Variants in ROBO2 observed in about 807,000 individuals in gnomAD.
The protein encoded by ROBO2 is roundabout guidance receptor 2, also known as roundabout homolog 2.
Under a neutral mutation model 160.8 loss-of-function variants are expected in ROBO2, and 53 were observed. That is an observed-to-expected ratio of 0.33 (90% CI 0.26 to 0.41). The LOEUF (loss-of-function observed/expected upper bound fraction) is 0.41, where lower values mean the gene tolerates loss of function less well. Among genes scored for constraint, ROBO2 ranks in the 10% least tolerant of loss-of-function variants. The pLI, the probability that ROBO2 is intolerant of heterozygous loss-of-function variation, is 1.00. For missense variants in ROBO2, 1,577 were observed against 1,722.4 expected, an observed-to-expected ratio of 0.92 and a Z score of 1.49; for synonymous variants, 664 against 611.7, an observed-to-expected ratio of 1.09 and a Z score of -1.26.
At chr3:77,443,815 C>G (rs1330101732) in intron 2 of ROBO2, among the ~76,000 whole-genome samples, 1 of 152,140 alleles carries the variant, frequency 6.6e-6, no homozygotes, top group East Asian at 1.9e-4. Flanking sequence ...AGCATTAAGA[C>G]AGCCAACTTG....
intron 2 of ROBO2, among the ~76,000 whole-genome samples, chr3:77,249,204 A>C (rs945127417): frequency 6.6e-6 from 1 of 152,228 alleles, no homozygotes; most frequent in Non-Finnish European, 1.5e-5. Context: ...AAAAAAACAA[A>C]AACAACAAAA....
intron 20 of ROBO2, among the ~76,000 whole-genome samples, chr3:77,605,179 G>T (rs1176316278): frequency 2.1e-5 from 3 of 145,124 alleles, no homozygotes; most frequent in African/African-American, 7.7e-5. Flanking sequence ...AAAAAAAAAA[G>T]TATATATATA....
At chr3:76,841,652 AAC>A (rs1432958580) in intron 2 of ROBO2, among the ~76,000 whole-genome samples, 1 of 152,230 alleles carries the variant, frequency 6.6e-6, no homozygotes. Flanking sequence ...CACTATTAGT[AAC>A]ACAGAACAGA....
At chr3:76,482,540 C>T (rs1001722814) in intron 2 of ROBO2, among the ~76,000 whole-genome samples, 1 of 152,106 alleles carries the variant, frequency 6.6e-6, no homozygotes, top group Non-Finnish European at 1.5e-5. Flanking sequence ...TGATCACAGT[C>T]GTAGATTTTC....
intron 2 of ROBO2, among the ~76,000 whole-genome samples, chr3:77,140,830 T>C (rs542768804): frequency 1.6e-4 from 24 of 152,344 alleles, no homozygotes; most frequent in Non-Finnish European, 2.6e-4. Flanking sequence ...TTTAGGGGCT[T>C]TCTGTTTCAA....
intron 2 of ROBO2, among the ~76,000 whole-genome samples, chr3:76,639,744 A>G (rs2090550306): frequency 6.6e-6 from 1 of 152,168 alleles, no homozygotes; most frequent in African/African-American, 2.4e-5. Flanking sequence ...TGACACTCCA[A>G]CAGAAACCAT....
intron 2 of ROBO2, among the ~76,000 whole-genome samples, chr3:76,142,956 A>T (rs1275352035): frequency 6.6e-6 from 1 of 151,938 alleles, no homozygotes; most frequent in African/African-American, 2.4e-5. Flanking sequence ...AAATAAAAAT[A>T]AAAATAAATA....
intron 2 of ROBO2, among the ~76,000 whole-genome samples, chr3:76,640,641 T>A (rs1391815501): frequency 6.6e-6 from 1 of 151,664 alleles, no homozygotes; most frequent in Non-Finnish European, 1.5e-5. Context: ...CCGGGGGATG[T>A]GTTGGCTGAG....
intron 2 of ROBO2, among the ~76,000 whole-genome samples, chr3:76,049,338 G>A (rs1210109590): frequency 6.9e-6 from 1 of 145,140 alleles, no homozygotes; most frequent in African/African-American, 2.6e-5. Flanking sequence ...AGCCTCTGGA[G>A]TAGCTGAGAC....
chr3:76,283,151 T>TATATATATATATATATATATATAA (rs1219870606), intron 2 of ROBO2, among the ~76,000 whole-genome samples: 12 of 137,540 alleles, frequency 8.7e-5, no homozygotes, highest in African/African-American at 1.3e-4. Context: ...TATATATATA[T>TATATATATATATATATATATATAA]AAAACTACAT....
At chr3:77,326,652 G>A (rs1271083916) in intron 2 of ROBO2, among the ~76,000 whole-genome samples, 1 of 152,048 alleles carries the variant, frequency 6.6e-6, no homozygotes, top group Non-Finnish European at 1.5e-5. Flanking sequence ...AAATCACAAA[G>A]GTCTGGGGGA....
intron 2 of ROBO2, among the ~76,000 whole-genome samples, chr3:76,178,182 A>G (rs1559616177): frequency 6.6e-6 from 1 of 152,136 alleles, no homozygotes; most frequent in Admixed American, 6.6e-5. Context: ...TTAAAAACTT[A>G]CCATCCACAA....
At chr3:76,632,367 G>A (rs1421062603) in intron 2 of ROBO2, among the ~76,000 whole-genome samples, 1 of 152,120 alleles carries the variant, frequency 6.6e-6, no homozygotes, top group Non-Finnish European at 1.5e-5. Flanking sequence ...CTGTGCATTA[G>A]CCTGTTTAAG....
At chr3:77,025,190 T>C (rs988525080) in intron 2 of ROBO2, among the ~76,000 whole-genome samples, 1 of 152,204 alleles carries the variant, frequency 6.6e-6, no homozygotes, top group African/African-American at 2.4e-5. Flanking sequence ...TTTTTATTAT[T>C]AGGCATTTAA....
At chr3:77,246,549 G>C (rs545534107) in intron 2 of ROBO2, among the ~76,000 whole-genome samples, 2 of 152,260 alleles carry the variant, frequency 1.3e-5, no homozygotes, top group African/African-American at 4.8e-5. Context: ...AGCAAACAAA[G>C]AGAAACATGA....
At chr3:77,141,004 A>C (rs2076658047) in intron 2 of ROBO2, among the ~76,000 whole-genome samples, 1 of 152,180 alleles carries the variant, frequency 6.6e-6, no homozygotes, top group Admixed American at 6.5e-5. Flanking sequence ...ATGCTGTGAT[A>C]AATTGGTAAT....
intron 2 of ROBO2, among the ~76,000 whole-genome samples, chr3:76,664,905 G>C (rs1358383111): frequency 6.6e-6 from 1 of 152,210 alleles, no homozygotes; most frequent in Non-Finnish European, 1.5e-5. Context: ...GATGGAGTCA[G>C]TCAAGGAGAA....
At chr3:76,809,936 T>A (rs904157346) in intron 2 of ROBO2, among the ~76,000 whole-genome samples, 6 of 151,872 alleles carry the variant, frequency 4.0e-5, no homozygotes, top group African/African-American at 1.5e-4. Flanking sequence ...AAAACTAGAA[T>A]ATGGAAAATA....
chr3:76,379,347 T>C (rs576895427), intron 2 of ROBO2, among the ~76,000 whole-genome samples: 1 of 152,242 alleles, frequency 6.6e-6, no homozygotes, highest in East Asian at 1.9e-4. Flanking sequence ...ATTTTTTCAA[T>C]AAAAAATATT....
Sources: gnomAD v4.1 joint callset for allele counts (sites outside exome capture counted in the v4.1 genomes callset) on GRCh38, gnomAD v4.1.1 for gene constraint, MANE v1.5 for transcripts, NCBI Gene and HGNC (gene_info 2026-07-23, HGNC 2026-07-21) for gene names.